CD209: variants seen among roughly 807,000 people sequenced by gnomAD.
CD209 encodes CD209 antigen.
Under a neutral mutation model 44.7 loss-of-function variants are expected in CD209, and 31 were observed. The ratio of observed to expected loss-of-function variants is 0.69; its 90% CI spans 0.52 to 0.94. The LOEUF is 0.94. Ranked by LOEUF, CD209 falls within the 40% of genes least tolerant of loss-of-function variation. The pLI is 0.00. For missense variants in CD209, 407 were observed against 452.4 expected, an observed-to-expected ratio of 0.90 and a Z score of 0.91; for synonymous variants, 173 against 181.3, an observed-to-expected ratio of 0.95 and a Z score of 0.37.
rs1268966897 is a variant in CD209, at chr19:7,741,439, C to A, written c.*1600G>T. Reference sequence around the variant, plus strand: ...CCCGGGAGGCGGAAGTTGCAGTGAGCCTAGATCGCGCCACTGCACTCCAGC... The same window carrying A: ...CCCGGGAGGCGGAAGTTGCAGTGAGACTAGATCGCGCCACTGCACTCCAGC... On this transcript the variant is annotated 3_prime_UTR_variant, in exon 7 of 7. Coordinates refer to ENST00000315599, the MANE Select transcript of CD209 (RefSeq NM_021155.4). 4 of 417,408 alleles carry A rather than the reference C, an allele frequency of 9.6e-6. No individual in the cohort carries two copies. The Admixed American group carries it at 1.4e-4, about 14-fold the overall frequency. The allele number at this position is 417,408 out of a possible 1,614,324, so 25.9% of individuals were successfully genotyped here. A position where few individuals can be genotyped will look rare whatever the true frequency, so the allele number is the denominator to read the frequency against.
chr19:7,747,237 C>G, intron 2 of CD209, 69 bp downstream of exon 2: 1 of 1,533,304 alleles, frequency 6.5e-7, no homozygotes, highest in African/African-American at 1.4e-5. Flanking sequence ...GCCCCAGCGT[C>G]CAGCTCCTCA....
intron 4 of CD209, 40 bp downstream of exon 4, chr19:7,745,478 A>C (rs1461607836): frequency 6.2e-7 from 1 of 1,612,058 alleles, no homozygotes; most frequent in Admixed American, 1.7e-5. Context: ...CCACACAACG[A>C]CCATCTCAGG....
At chr19:7,744,312 C>T in intron 5 of CD209, 93 bp from the exon 6 acceptor site, 6 of 947,686 alleles carry the variant, frequency 6.3e-6, no homozygotes, top group Non-Finnish European at 8.5e-6. Context: ...TGCTTGTAGG[C>T]TAACCTACAG....
chr19:7,743,280 A>C (rs2033676389), intron 6 of CD209, 40 bp from the exon 7 acceptor site: 29 of 1,533,556 alleles, frequency 1.9e-5, no homozygotes, highest in Non-Finnish European at 2.6e-5. Flanking sequence ...TGTCCCCGCC[A>C]GCTACATGAG....
In CD209 at chr19:7,744,197, G is replaced by C; in HGVS notation, c.923C>G (p.Ser308Cys). 1.9e-6 allele frequency: 3 copies of C among 1,614,006 alleles called. No individual in the cohort carries two copies. Among genetic ancestry groups the C allele is most frequent in the Non-Finnish European group, 2.5e-6 (3 of 1,179,896 alleles). Residue 308 changes from serine to cysteine, a missense_variant, in exon 6 of 7, where the codon TCC (serine) becomes TGC (cysteine). Physicochemically the swap from Ser to Cys is moderately radical, Grantham distance 112. Transcript: ENST00000315599. ...CATCCAGGTGAAGCGGTTACTTCTGGAAGACTGCAGCTGTAGGAAGTTCTG... is the reference window on the plus strand; with the variant it reads ...CATCCAGGTGAAGCGGTTACTTCTGCAAGACTGCAGCTGTAGGAAGTTCTG... ...EEQNFLQLQS[S>C]RSNRFTWMGL... is the part of the protein sequence containing the mutation.
chr19:7,743,785 A>T (rs2033699091), intron 6 of CD209, among the ~76,000 whole-genome samples: 2 of 152,016 alleles, frequency 1.3e-5, no homozygotes, highest in African/African-American at 4.8e-5. Flanking sequence ...CTCTCTAGGG[A>T]TCTGTGTATA....
intron 2 of CD209, 30 bp from the exon 3 acceptor site, chr19:7,746,561 A>G (rs573470137): frequency 4.3e-6 from 7 of 1,609,952 alleles, no homozygotes; most frequent in East Asian, 4.5e-5. Context: ...TCAGCCTGCC[A>G]GTGTCCCCAC....
At position 7,741,870 on chromosome 19, in the gene CD209, G is replaced by T; in HGVS notation, c.*1169C>A. On this transcript the variant is annotated 3_prime_UTR_variant, in exon 7 of 7. Transcript: ENST00000315599. The stretch of plus-strand genomic sequence containing the variant: ...CCACGATGAATACTACAGGCTGCGG[G>T]GAAGGAGAACCCTAGTCCAGACCAT... 1 of 469,068 alleles carries T rather than the reference G, an allele frequency of 2.1e-6. No homozygotes were observed. The highest frequency in any genetic ancestry group is 5.0e-4 in the Middle Eastern group (1 of 1,990). The allele number at this position is 469,068 out of a possible 1,614,324, so 29.1% of individuals were successfully genotyped here.
At chr19:7,746,383 G>A (rs1331380932) in intron 3 of CD209, 77 bp downstream of exon 3, 1 of 1,508,190 alleles carries the variant, frequency 6.6e-7, no homozygotes, top group African/African-American at 1.4e-5. Flanking sequence ...CTCCCTCCCA[G>A]ATCTGGCAGC....
chr19:7,746,594 C>G, intron 2 of CD209, 63 bp from the exon 3 acceptor site: 6 of 1,552,768 alleles, frequency 3.9e-6, no homozygotes, highest in Non-Finnish European at 5.3e-6. Flanking sequence ...CAGGGAGAGC[C>G]TGGTCTAAAT....
intron 6 of CD209, among the ~76,000 whole-genome samples, chr19:7,743,472 A>G (rs374178468): frequency 1.3e-5 from 2 of 152,094 alleles, no homozygotes; most frequent in South Asian, 4.2e-4. Flanking sequence ...TTTCAAATAC[A>G]AGCCAACCAG....
Position 7,742,077 on chromosome 19 carries a change from C to A in CD209, c.*962G>T. 3.4e-6 allele frequency: 1 copy of A among 295,628 alleles called. No homozygotes were observed. Among genetic ancestry groups the A allele is most frequent in the East Asian group, 9.0e-5 (1 of 11,102 alleles). The allele number at this position is 295,628 out of a possible 1,614,324, so 18.3% of individuals were successfully genotyped here. On this transcript the variant is annotated 3_prime_UTR_variant, in exon 7 of 7. Transcript: ENST00000315599. ...AGCCGGAGCCAAAGCTCCTCTAGAT[C>A]CCAAAGTCGTGGTAGGAGGAGATCA...
In CD209 at chr19:7,742,886, T is replaced by C; in HGVS notation, c.*153A>G. The C allele has an allele frequency of 1.5e-6, 1 of 672,404 alleles. No individual in the cohort carries two copies. Among genetic ancestry groups the C allele is most frequent in the Non-Finnish European group, 2.6e-6 (1 of 391,654 alleles). 41.7% of individuals were successfully genotyped at this position (672,404 alleles called of 1,614,324 possible). On this transcript the variant is annotated 3_prime_UTR_variant, in exon 7 of 7. Transcript: ENST00000315599. Reference sequence around the variant, plus strand: ...AAGGATGGGCCAGAAAAACAAGCTCTACACCAGGGGAAATTGGAGGCATGA... The same window carrying C: ...AAGGATGGGCCAGAAAAACAAGCTCCACACCAGGGGAAATTGGAGGCATGA...
Position 7,742,009 on chromosome 19 carries a change from CG to C in CD209, c.*1029del. 3.1e-6 allele frequency: 1 copy of C among 320,930 alleles called. No homozygotes were observed. The highest frequency in any genetic ancestry group is 6.4e-6 in the Non-Finnish European group (1 of 157,012). 19.9% of individuals were successfully genotyped at this position (320,930 alleles called of 1,614,324 possible). ...GCAGAGGAAGAAATAGTGACCGCAG[CG>C]GGGGCCGGTGCAGCCGCAGTGAGAA... is the stretch of plus-strand genomic sequence containing the variant. On this transcript the variant is annotated 3_prime_UTR_variant, in exon 7 of 7. Coordinates refer to ENST00000315599, the MANE Select transcript of CD209 (RefSeq NM_021155.4).
At position 7,741,591 on chromosome 19, in the gene CD209, G is replaced by C; in HGVS notation, c.*1448C>G. 1 of 793,042 alleles carries C rather than the reference G, an allele frequency of 1.3e-6. No homozygotes were observed. The highest frequency in any genetic ancestry group is 2.1e-6 in the Non-Finnish European group (1 of 465,428). The allele number at this position is 793,042 out of a possible 1,614,324, so 49.1% of individuals were successfully genotyped here. On this transcript the variant is annotated 3_prime_UTR_variant, in exon 7 of 7. Transcript: ENST00000315599. ...CCTGAGGGGCAAGTATATATGTTCA[G>C]TACCAGTCGGAAGAAGAATGCCAAG...
At position 7,744,129 on chromosome 19, in the gene CD209, C is replaced by A. The variant is rs774319424; in HGVS notation, c.991G>T (p.Asp331Tyr). The A allele has an allele frequency of 6.2e-7, 1 of 1,614,046 alleles. No individual in the cohort carries two copies. The highest frequency in any genetic ancestry group is 8.5e-7 in the Non-Finnish European group (1 of 1,179,874). The part of the protein sequence containing the change: ...LNQEGTWQWV[D>Y]GSPLLPSFKQ... Reference sequence around the variant, plus strand: ...TACCTGGGCAACAGAGGTGAGCCGTCCACCCATTGCCACGTGCCTTCCTGA... The same window carrying A: ...TACCTGGGCAACAGAGGTGAGCCGTACACCCATTGCCACGTGCCTTCCTGA... Residue 331 changes from aspartate to tyrosine, a missense_variant, in exon 6 of 7, where the codon GAC becomes TAC. By Grantham distance (160) the Asp-to-Tyr change is radical. Coordinates refer to ENST00000315599, the MANE Select transcript of CD209 (RefSeq NM_021155.4).
At chr19:7,746,217 A>G in intron 3 of CD209, 130 bp from the exon 4 acceptor site, 1 of 1,358,764 alleles carries the variant, frequency 7.4e-7, no homozygotes, top group Non-Finnish European at 1.0e-6. Context: ...GATGAAGAAA[A>G]CTGACACCTG....
At chr19:7,743,709 C>G (rs1326891788) in intron 6 of CD209, among the ~76,000 whole-genome samples, 2 of 151,792 alleles carry the variant, frequency 1.3e-5, no homozygotes, top group South Asian at 2.1e-4. Context: ...GTCCCCCCTC[C>G]CCACCACTCT....
rs1389221418 is a variant in CD209 at position 7,744,992 on chromosome 19, G to A, written c.849C>T (p.Ala283=). 2 of 1,614,098 alleles carry A rather than the reference G, an allele frequency of 1.2e-6. No individual in the cohort carries two copies. The highest frequency in any genetic ancestry group is 1.7e-6 in the Non-Finnish European group (2 of 1,180,044). The change falls in exon 5 of 7, where the codon GCC becomes GCT. Residue 283 remains alanine, a synonymous_variant. Transcript: ENST00000315599. ...CGAGCTGGGCCCCCACTTCTTTGCA[G>A]GCGGTGATGGAGTCGTGCCAGTTCC... ...SQRNWHDSIT[A]CKEVGAQLVV...
Sources: allele counts gnomAD v4.1 joint callset (sites outside exome capture counted in the v4.1 genomes callset), GRCh38; gene constraint gnomAD v4.1.1; transcripts MANE v1.5; gene names NCBI Gene and HGNC (gene_info 2026-07-23, HGNC 2026-07-21).